Variants in HS3ST4 observed in about 807,000 individuals in gnomAD.
HS3ST4 encodes the protein heparan sulfate-glucosamine 3-sulfotransferase 4, also known as heparan sulfate glucosamine 3-O-sulfotransferase 4.
HS3ST4 carries 17 observed loss-of-function variants against 29.2 expected under a neutral mutation model. That is an observed-to-expected ratio of 0.58 (90% CI 0.40 to 0.87). HS3ST4 has a LOEUF of 0.87. Ranked by LOEUF, HS3ST4 falls within the 40% of genes least tolerant of loss-of-function variation. The pLI, the probability that HS3ST4 is intolerant of heterozygous loss-of-function variation, is 0.00. For synonymous variants in HS3ST4, 314 were observed against 285.7 expected, an observed-to-expected ratio of 1.10 and a Z score of -1.00; for missense variants, 627 against 634.5, an observed-to-expected ratio of 0.99 and a Z score of 0.13.
chr16:26,014,785 T>C (rs1969347031), intron 1 of HS3ST4, among the ~76,000 whole-genome samples: 1 of 152,198 alleles, frequency 6.6e-6, no homozygotes, highest in South Asian at 2.1e-4. Context: ...TGCTATTGTA[T>C]CATCACCATT....
At chr16:25,837,262 G>T (rs1175172093) in intron 1 of HS3ST4, among the ~76,000 whole-genome samples, 1 of 152,194 alleles carries the variant, frequency 6.6e-6, no homozygotes, top group Non-Finnish European at 1.5e-5. Flanking sequence ...AGGATCCTGG[G>T]TGTGAACCCA....
chr16:25,972,924 A>G (rs1968911286), intron 1 of HS3ST4, among the ~76,000 whole-genome samples: 1 of 152,154 alleles, frequency 6.6e-6, no homozygotes, highest in South Asian at 2.1e-4. Flanking sequence ...TACTACTCTG[A>G]TTATTATTTA....
At chr16:25,700,708 T>C (rs1966328948) in intron 1 of HS3ST4, among the ~76,000 whole-genome samples, 1 of 152,286 alleles carries the variant, frequency 6.6e-6, no homozygotes, top group South Asian at 2.1e-4. Context: ...CTGATTTCAT[T>C]GGTTTTTGCG....
intron 1 of HS3ST4, among the ~76,000 whole-genome samples, chr16:25,933,862 C>A (rs1297324769): frequency 6.6e-6 from 1 of 152,126 alleles, no homozygotes; most frequent in Non-Finnish European, 1.5e-5. Flanking sequence ...AGAACCCACT[C>A]ATTACCACAA....
intron 1 of HS3ST4, among the ~76,000 whole-genome samples, chr16:25,823,551 T>C (rs555820725): frequency 6.6e-6 from 1 of 152,256 alleles, no homozygotes; most frequent in South Asian, 2.1e-4. Context: ...AAGGCCACTT[T>C]TTAATTTAAT....
intron 1 of HS3ST4, among the ~76,000 whole-genome samples, chr16:25,769,673 C>A (rs1966839525): frequency 6.6e-6 from 1 of 152,168 alleles, no homozygotes; most frequent in Non-Finnish European, 1.5e-5. Flanking sequence ...TTAATAAGCA[C>A]ATATTTAGCT....
chr16:25,991,548 A>G (rs1424228823), intron 1 of HS3ST4, among the ~76,000 whole-genome samples: 1 of 152,204 alleles, frequency 6.6e-6, no homozygotes, highest in Non-Finnish European at 1.5e-5. Flanking sequence ...TAAGTTAGTG[A>G]TTAGCAAAGA....
At chr16:26,128,565 G>A (rs370941274) in intron 1 of HS3ST4, among the ~76,000 whole-genome samples, 3 of 152,306 alleles carry the variant, frequency 2.0e-5, no homozygotes, top group African/African-American at 7.2e-5. Context: ...ATTTAAGAAT[G>A]TAGTCTCCAA....
At chr16:25,869,276 A>G (rs1456536697) in intron 1 of HS3ST4, among the ~76,000 whole-genome samples, 2 of 152,016 alleles carry the variant, frequency 1.3e-5, no homozygotes, top group African/African-American at 4.8e-5. Flanking sequence ...GAGAGTCTGG[A>G]AAGTCTGTTA....
chr16:25,845,881 C>G (rs1434097479), intron 1 of HS3ST4, among the ~76,000 whole-genome samples: 4 of 152,084 alleles, frequency 2.6e-5, no homozygotes, highest in African/African-American at 9.7e-5. Flanking sequence ...TCTGCATTAT[C>G]TATTCGGACC....
At chr16:25,939,984 T>C (rs1968557499) in intron 1 of HS3ST4, among the ~76,000 whole-genome samples, 2 of 152,120 alleles carry the variant, frequency 1.3e-5, no homozygotes, top group Non-Finnish European at 1.5e-5. Context: ...CGTGGGATGG[T>C]AGGTAGGTAA....
At chr16:25,916,368 A>AT (rs35493802) in intron 1 of HS3ST4, among the ~76,000 whole-genome samples, 104 of 146,748 alleles carry the variant, frequency 7.1e-4, no homozygotes, top group Admixed American at 1.8e-3. Flanking sequence ...ATTCGAATGC[A>AT]TTTTTTTTTT....
intron 1 of HS3ST4, among the ~76,000 whole-genome samples, chr16:26,047,222 C>T (rs1297448044): frequency 6.6e-6 from 1 of 152,226 alleles, no homozygotes; most frequent in African/African-American, 2.4e-5. Context: ...CTTCCTGCCT[C>T]TGGCTGGCAC....
chr16:25,836,361 A>ATCTTT (rs1405970305), intron 1 of HS3ST4, among the ~76,000 whole-genome samples: 24 of 152,280 alleles, frequency 1.6e-4, no homozygotes, highest in African/African-American at 5.3e-4. Context: ...AGTCCTGTTA[A>ATCTTT]CCAAGGAAGG....
rs542354276 is a variant in HS3ST4, at chr16:25,695,985, C to T, written c.734+2834C>T. Among the ~76,000 whole-genome samples, 3 of 152,330 alleles carry T rather than the reference C, an allele frequency of 2.0e-5. No individual in the cohort carries two copies. The East Asian group carries it at 5.8e-4, about 29-fold the overall frequency. On this transcript the variant is annotated intron_variant, in intron 1 of 1. Transcript: ENST00000331351. ...TTCAACTCAAGAGCCCTAGCAGGTT[C>T]AGTTCCTCAGTGTCACTCCAGTTAT...
chr16:25,929,485 G>A (rs945250951), intron 1 of HS3ST4, among the ~76,000 whole-genome samples: 3 of 152,234 alleles, frequency 2.0e-5, no homozygotes, highest in South Asian at 2.1e-4. Flanking sequence ...ATCACACATC[G>A]CATCCCACTA....
At chr16:26,121,309 T>C (rs768938265) in intron 1 of HS3ST4, among the ~76,000 whole-genome samples, 91 of 152,176 alleles carry the variant, frequency 6.0e-4, no homozygotes, top group Non-Finnish European at 1.2e-3. Context: ...ATGCGACTAG[T>C]GGAGATTCCA....
At chr16:26,061,174 T>C (rs1320298651) in intron 1 of HS3ST4, among the ~76,000 whole-genome samples, 1 of 152,252 alleles carries the variant, frequency 6.6e-6, no homozygotes, top group Non-Finnish European at 1.5e-5. Context: ...TCTTCTTATC[T>C]TTCTTCTTAT....
intron 1 of HS3ST4, among the ~76,000 whole-genome samples, chr16:25,831,513 C>T (rs1967299991): frequency 6.6e-6 from 1 of 151,698 alleles, no homozygotes; most frequent in African/African-American, 2.4e-5. Context: ...ATTGCTTTAG[C>T]CCTGGAGATT....
Sources: allele counts gnomAD v4.1 joint callset (sites outside exome capture counted in the v4.1 genomes callset), GRCh38; gene constraint gnomAD v4.1.1; transcripts MANE v1.5; gene names NCBI Gene and HGNC (gene_info 2026-07-23, HGNC 2026-07-21).